The following FAM81A variants were observed in gnomAD, a reference collection of about 807,000 sequenced individuals.
The protein encoded by FAM81A is protein FAM81A.
FAM81A carries 19 observed loss-of-function variants against 46.7 expected under a neutral mutation model. The observed-to-expected ratio is 0.41, with a 90% CI of 0.28 to 0.60. FAM81A has a LOEUF of 0.60. FAM81A is among the 20% of genes least tolerant of loss of function. FAM81A has a pLI of 0.34. For missense variants in FAM81A, 377 were observed against 453.5 expected (o/e 0.83, Z 1.53); for synonymous variants, 183 against 152.9 (o/e 1.20, Z -1.45).
intron 3 of FAM81A, among the ~76,000 whole-genome samples, chr15:59,471,416 G>A (rs2141678891): frequency 6.6e-6 from 1 of 152,130 alleles, no homozygotes; most frequent in African/African-American, 2.4e-5. Flanking sequence ...GTTTTGTCTG[G>A]TATCAGTACA....
At chr15:59,501,161 G>A (rs1302581992) in intron 4 of FAM81A, among the ~76,000 whole-genome samples, 1 of 152,052 alleles carries the variant, frequency 6.6e-6, no homozygotes, top group Non-Finnish European at 1.5e-5. Flanking sequence ...CGACTTGAAT[G>A]GACTCTTTTA....
At chr15:59,476,958 A>G (rs1448013268) in intron 3 of FAM81A, among the ~76,000 whole-genome samples, 1 of 151,644 alleles carries the variant, frequency 6.6e-6, no homozygotes, top group Non-Finnish European at 1.5e-5. Context: ...CATCTCTACT[A>G]AAAATACAAA....
intron 1 of FAM81A, among the ~76,000 whole-genome samples, chr15:59,454,643 T>G (rs2081460437): frequency 6.6e-6 from 1 of 152,080 alleles, no homozygotes; most frequent in South Asian, 2.1e-4. Flanking sequence ...TTTCTTTTTT[T>G]GAGACAGGGT....
intron 1 of FAM81A, chr15:59,446,579 A>T (rs1310042681): frequency 3.3e-5 from 5 of 152,222 alleles, no homozygotes; most frequent in Non-Finnish European, 7.3e-5. Flanking sequence ...CCCTTTATGA[A>T]TGTGATAGAA....
chr15:59,516,114 T>C (rs2082263547), intron 7 of FAM81A, among the ~76,000 whole-genome samples: 1 of 151,878 alleles, frequency 6.6e-6, no homozygotes, highest in South Asian at 2.1e-4. Flanking sequence ...TTACATCTCA[T>C]TGAATGTAGT....
intron 4 of FAM81A, among the ~76,000 whole-genome samples, chr15:59,497,997 C>G (rs2082052204): frequency 6.6e-6 from 1 of 152,186 alleles, no homozygotes. Flanking sequence ...GCTGGGACTA[C>G]AGGCATGTGC....
intron 2 of FAM81A, among the ~76,000 whole-genome samples, chr15:59,406,766 C>G (rs532775788): frequency 3.3e-4 from 50 of 152,196 alleles, no homozygotes; most frequent in Non-Finnish European, 5.6e-4. Flanking sequence ...CTACAAGCTG[C>G]ATTTGTTTTG....
chr15:59,484,035 C>T (rs753827116), intron 3 of FAM81A, among the ~76,000 whole-genome samples: 2 of 152,164 alleles, frequency 1.3e-5, no homozygotes, highest in Non-Finnish European at 2.9e-5. Flanking sequence ...CACCACCCGT[C>T]CACAAGCCCC....
chr15:59,401,916 CG>C, intron 1 of FAM81A: 2 of 759,748 alleles, frequency 2.6e-6, no homozygotes, highest in Non-Finnish European at 4.9e-6. Flanking sequence ...ATGAGCCTCT[CG>C]ACTTTCTTTC....
intron 3 of FAM81A, among the ~76,000 whole-genome samples, chr15:59,488,227 A>T (rs1324683775): frequency 6.6e-6 from 1 of 152,200 alleles, no homozygotes; most frequent in African/African-American, 2.4e-5. Context: ...ACATCCCTTC[A>T]TGAGAAAAAC....
At position 59,438,194 on chromosome 15, in the gene FAM81A, G is replaced by T. The variant is rs1371279874; in HGVS notation, c.-166G>T. On this transcript the variant is annotated 5_prime_UTR_variant, in exon 1 of 9. Transcript: ENST00000288228. ...CCCCGCGGCGCGGGCCCGCAGCCGG[G>T]CGCCCTGCTCAGCCAGCGCCAGCGG... is the stretch of plus-strand genomic sequence containing the variant. 1.4e-5 allele frequency: 2 copies of T among 146,614 alleles called. No homozygotes were observed. Among genetic ancestry groups the T allele is most frequent in the African/African-American group, 4.9e-5 (2 of 40,894 alleles). The allele number at this position is 146,614 out of a possible 1,614,324, so 9.1% of individuals were successfully genotyped here. A position where few individuals can be genotyped will look rare whatever the true frequency, so the allele number is the denominator to read the frequency against.
chr15:59,462,545 G>A (rs968925629), intron 3 of FAM81A, among the ~76,000 whole-genome samples: 11 of 152,142 alleles, frequency 7.2e-5, no homozygotes, highest in Non-Finnish European at 1.2e-4. Flanking sequence ...ACCATTTTAA[G>A]TGTATAATCT....
At chr15:59,455,507 C>G (rs78347126) in intron 1 of FAM81A, among the ~76,000 whole-genome samples, 1 of 152,134 alleles carries the variant, frequency 6.6e-6, no homozygotes, top group African/African-American at 2.4e-5. Flanking sequence ...AATCCTGTGA[C>G]TTATTCATTA....
chr15:59,435,418 G>A (rs545112168), upstream of FAM81A, among the ~76,000 whole-genome samples: 4 of 152,074 alleles, frequency 2.6e-5, no homozygotes, highest in Non-Finnish European at 5.9e-5. Context: ...TCAGGAGTTC[G>A]AGACCAGCCT....
chr15:59,404,536 C>T (rs1348071611), intron 2 of FAM81A, among the ~76,000 whole-genome samples: 3 of 152,232 alleles, frequency 2.0e-5, no homozygotes, highest in Non-Finnish European at 4.4e-5. Context: ...CCATAGCTCA[C>T]TGTAGCCTCC....
chr15:59,510,579 T>A (rs1026518817), intron 6 of FAM81A, among the ~76,000 whole-genome samples: 7 of 151,748 alleles, frequency 4.6e-5, no homozygotes, highest in Admixed American at 2.6e-4. Flanking sequence ...AGAGTCTGAT[T>A]GTCAGCCAGT....
rs562931539 is a variant in FAM81A at position 59,485,237 on chromosome 15, T to A, written c.295-7034T>A. 2.0e-5 allele frequency among the ~76,000 whole-genome samples: 3 copies of A among 152,292 alleles called. No homozygotes were observed. The East Asian group carries it at 5.8e-4, about 29-fold the overall frequency. On this transcript the variant is annotated intron_variant, in intron 3 of 8. Coordinates refer to ENST00000288228, the MANE Select transcript of FAM81A (RefSeq NM_152450.3). ...AAGCCTGGCTGGCTTCACCACTTGC[T>A]GATTGTAGAGCCCTAGGGCCTTGAG...
intron 1 of FAM81A, among the ~76,000 whole-genome samples, chr15:59,444,805 T>G (rs1349113710): frequency 6.6e-6 from 1 of 152,190 alleles, no homozygotes; most frequent in Non-Finnish European, 1.5e-5. Context: ...GTTCCATGAG[T>G]TTTTCCATAT....
intron 2 of FAM81A, among the ~76,000 whole-genome samples, chr15:59,405,540 C>A (rs76954110): frequency 0.039 from 5,969 of 152,102 alleles, 244 homozygotes; most frequent in African/African-American, 0.1. Context: ...ACTTGGGAGG[C>A]TGATGGGGGA....
Sources: gnomAD v4.1 joint callset for allele counts (sites outside exome capture counted in the v4.1 genomes callset) on GRCh38, gnomAD v4.1.1 for gene constraint, MANE v1.5 for transcripts, NCBI Gene and HGNC (gene_info 2026-07-23, HGNC 2026-07-21) for gene names.